The following SLC25A27 variants were observed in gnomAD, a reference collection of about 807,000 sequenced individuals.
SLC25A27 encodes the protein mitochondrial uncoupling protein 4.
Under a neutral mutation model 49.1 loss-of-function variants are expected in SLC25A27, and 35 were observed. The observed-to-expected ratio is 0.71, with a 90% confidence interval of 0.54 to 0.95. The LOEUF (loss-of-function observed/expected upper bound fraction) is 0.95, where lower values mean the gene tolerates loss of function less well. SLC25A27 is among the 40% of genes least tolerant of loss of function. The probability of loss-of-function intolerance (pLI) is 0.00; values close to 1 mark genes in which losing one functional copy is unlikely to be tolerated. For missense variants in SLC25A27, 339 were observed against 397.1 expected, an observed-to-expected ratio of 0.85 and a Z score of 1.24; for synonymous variants, 144 against 136.9, an observed-to-expected ratio of 1.05 and a Z score of -0.36.
chr6:46,672,207 G>GA (rs990541604), intron 8 of SLC25A27, among the ~76,000 whole-genome samples: 2 of 151,660 alleles, frequency 1.3e-5, no homozygotes, highest in African/African-American at 2.4e-5. Flanking sequence ...AAGAGGGCAG[G>GA]AAAAAAAACA....
At position 46,662,464 on chromosome 6, in the gene SLC25A27, G is replaced by A; in HGVS notation, c.472G>A (p.Glu158Lys). 1 of 1,613,882 alleles carries A rather than the reference G, an allele frequency of 6.2e-7. No homozygotes were observed. The highest frequency in any genetic ancestry group is 1.1e-5 in the South Asian group (1 of 91,034). Residue 158 changes from glutamate to lysine, a missense_variant, in exon 4 of 9, where the codon GAA (glutamate) becomes AAA (lysine). Physicochemically the swap from Glu to Lys is moderately conservative, Grantham distance 56 (BLOSUM62 1). Transcript: ENST00000371347. ...TDLVKVQMQM[E>K]GKRKLEGKPL... ...CCTAGTGAAGGTTCAGATGCAAATG[G>A]AAGGAAAAAGGAAACTGGAAGGAAA...
chr6:46,668,646 T>C, intron 5 of SLC25A27, 63 bp from the exon 6 acceptor site: 2 of 942,274 alleles, frequency 2.1e-6, no homozygotes, highest in East Asian at 2.4e-5. Flanking sequence ...AAGCCTAGCA[T>C]ATTCTTGACA....
At chr6:46,670,353 A>G in intron 7 of SLC25A27, 126 bp downstream of exon 7, 1 of 657,016 alleles carries the variant, frequency 1.5e-6, no homozygotes, top group Non-Finnish European at 2.6e-6. Flanking sequence ...AATTGAGCGC[A>G]TTTTTTTTAT....
chr6:46,666,370 G>A (rs957363406), intron 5 of SLC25A27, among the ~76,000 whole-genome samples: 12 of 152,196 alleles, frequency 7.9e-5, no homozygotes, highest in Non-Finnish European at 1.6e-4. Context: ...ACCCTCATAC[G>A]TAGTCAATAA....
chr6:46,665,720 C>G (rs544575884), intron 5 of SLC25A27, among the ~76,000 whole-genome samples: 21 of 152,092 alleles, frequency 1.4e-4, no homozygotes, highest in Admixed American at 2.6e-4. Flanking sequence ...CCCTCCTATA[C>G]GTACTACTTT....
In SLC25A27 at chr6:46,676,757, G is replaced by A. The variant is rs1266249250; in HGVS notation, c.*303G>A. On this transcript the variant is annotated 3_prime_UTR_variant, in exon 9 of 9. Coordinates refer to ENST00000371347, the MANE Select transcript of SLC25A27 (RefSeq NM_004277.5). ...TTGGGCAAGAAGGTTTGGCCTTTGA[G>A]TTGCTATTCTATGCTGAAGAGCCTG... 5.7e-6 allele frequency: 8 copies of A among 1,392,708 alleles called. No individual in the cohort carries two copies. Among genetic ancestry groups the A allele is most frequent in the Non-Finnish European group, 8.0e-6 (8 of 1,003,562 alleles). 86.3% of individuals were successfully genotyped at this position (1,392,708 alleles called of 1,614,324 possible). A position where few individuals can be genotyped will look rare whatever the true frequency, so the allele number is the denominator to read the frequency against.
chr6:46,670,685 T>A (rs9395206), intron 7 of SLC25A27: 139,604 of 164,742 alleles, frequency 0.85, 59,564 homozygotes, highest in African/African-American at 0.94. Flanking sequence ...AAAACAAGTT[T>A]TCTGTATCTG....
Position 46,672,259 on chromosome 6 carries a change from G to A in SLC25A27, c.900+1031G>A, listed in dbSNP as rs1447215340. 2.6e-5 allele frequency among the ~76,000 whole-genome samples: 4 copies of A among 152,084 alleles called. No homozygotes were observed. The East Asian group carries it at 7.7e-4, about 29-fold the overall frequency. Reference sequence around the variant, plus strand: ...AGTTGGAGTGGACAGAGAGCAGGGTGAGTTCAAGGAAACCTAGCAGACCAA... The same window carrying A: ...AGTTGGAGTGGACAGAGAGCAGGGTAAGTTCAAGGAAACCTAGCAGACCAA... On this transcript the variant is annotated intron_variant, in intron 8 of 8. Transcript: ENST00000371347.
chr6:46,671,811 TTAGA>T (rs966260888), intron 8 of SLC25A27, among the ~76,000 whole-genome samples: 2 of 151,942 alleles, frequency 1.3e-5, no homozygotes, highest in Non-Finnish European at 2.9e-5. Flanking sequence ...TAATGTAGAA[TTAGA>T]TAGACTTGTT....
chr6:46,663,170 C>T (rs571074142), intron 4 of SLC25A27, among the ~76,000 whole-genome samples: 7 of 152,276 alleles, frequency 4.6e-5, no homozygotes, highest in Admixed American at 3.3e-4. Context: ...CACTTAGTTT[C>T]CCCTGGGAAA....
At chr6:46,663,916 A>G (rs1763243910) in intron 4 of SLC25A27, among the ~76,000 whole-genome samples, 1 of 152,218 alleles carries the variant, frequency 6.6e-6, no homozygotes, top group Non-Finnish European at 1.5e-5. Flanking sequence ...CAGTATTAAC[A>G]TGCATCTCAT....
At chr6:46,671,820 CTTGT>C (rs1216717916) in intron 8 of SLC25A27, among the ~76,000 whole-genome samples, 3 of 151,756 alleles carry the variant, frequency 2.0e-5, no homozygotes, top group African/African-American at 4.8e-5. Context: ...ATTAGATAGA[CTTGT>C]TTAAGTAATA....
At position 46,664,852 on chromosome 6, in the gene SLC25A27, C is replaced by T; in HGVS notation, c.585C>T (p.Pro195=). The T allele has an allele frequency of 6.2e-7, 1 of 1,604,960 alleles. No individual in the cohort carries two copies. The highest frequency in any genetic ancestry group is 8.5e-7 in the Non-Finnish European group (1 of 1,175,096). ...GIRGLWAGWV[P]NIQRAALVNM... ...GAGGGCTTTGGGCAGGCTGGGTACC[C>T]AATATACAAAGAGCAGCACTGGTGA... Residue 195 remains proline, a synonymous_variant, in exon 5 of 9, where the codon CCC becomes CCT. Coordinates refer to ENST00000371347, the MANE Select transcript of SLC25A27 (RefSeq NM_004277.5).
intron 2 of SLC25A27, among the ~76,000 whole-genome samples, chr6:46,657,156 ACCCC>A (rs1763011812): frequency 1.3e-5 from 2 of 151,726 alleles, no homozygotes; most frequent in African/African-American, 4.8e-5. Flanking sequence ...ACAAAACAAG[ACCCC>A]ATCTCTAAAA....
intron 2 of SLC25A27, chr6:46,658,612 C>T: frequency 2.6e-6 from 1 of 383,298 alleles, no homozygotes. Context: ...GAAAGATAAG[C>T]AAGAAGAGTT....
In SLC25A27 at chr6:46,653,311, C is replaced by G. The variant is rs753572653; in HGVS notation, c.106+13C>G. On this transcript the variant is annotated intron_variant, in intron 1 of 8. Coordinates refer to ENST00000371347, the MANE Select transcript of SLC25A27 (RefSeq NM_004277.5). ...GTGGCCGAGCTAGGTACCCGGCTGC[C>G]CACGCCTGGGCCTCCCGGGCCAGTG... 1.2e-6 allele frequency: 2 copies of G among 1,607,420 alleles called. No homozygotes were observed. The highest frequency in any genetic ancestry group is 1.7e-6 in the Non-Finnish European group (2 of 1,177,378).
chr6:46,663,489 G>A (rs2150642298), intron 4 of SLC25A27, among the ~76,000 whole-genome samples: 1 of 152,240 alleles, frequency 6.6e-6, no homozygotes, highest in Admixed American at 6.5e-5. Flanking sequence ...GTAGTTTATA[G>A]AACCCCAGGG....
Position 46,653,103 on chromosome 6 carries a change from AAGGGGCCGCCCTGGCAGGGAAGCGGCCG to A in SLC25A27, c.-89_-62del. 1 of 1,296,344 alleles carries A rather than the reference AAGGGGCCGCCCTGGCAGGGAAGCGGCCG, an allele frequency of 7.7e-7. No individual in the cohort carries two copies. Among genetic ancestry groups the A allele is most frequent in the South Asian group, 1.3e-5 (1 of 79,518 alleles). 80.3% of individuals were successfully genotyped at this position (1,296,344 alleles called of 1,614,324 possible). A position where few individuals can be genotyped will look rare whatever the true frequency, so the allele number is the denominator to read the frequency against. The stretch of plus-strand genomic sequence containing the variant: ...CTCACCCGGCCACTCGCCGGTTGAA[AAGGGGCCGCCCTGGCAGGGAAGCGGCCG>A]CCGCGGCGCGGTGCAGCGCAGCGGC... On this transcript the variant is annotated 5_prime_UTR_variant, in exon 1 of 9. Transcript: ENST00000371347.
At chr6:46,660,230 CTGTGTG>C (rs140354056) in intron 3 of SLC25A27, among the ~76,000 whole-genome samples, 2 of 147,310 alleles carry the variant, frequency 1.4e-5, no homozygotes, top group Non-Finnish European at 3.0e-5. Context: ...ACCTCTGTGT[CTGTGTG>C]TGTGTGTGTG....
Sources: gnomAD v4.1 joint callset for allele counts (sites outside exome capture counted in the v4.1 genomes callset) on GRCh38, gnomAD v4.1.1 for gene constraint, MANE v1.5 for transcripts, NCBI Gene and HGNC (gene_info 2026-07-23, HGNC 2026-07-21) for gene names.